Variants in CDKL4 observed in about 807,000 individuals in gnomAD.
The protein encoded by CDKL4 is cyclin-dependent kinase-like 4.
In CDKL4, 44 loss-of-function variants were observed where a neutral mutation model predicts 42.0. The observed-to-expected ratio is 1.05, with a 90% CI of 0.82 to 1.35. The LOEUF (loss-of-function observed/expected upper bound fraction) is 1.35, where lower values mean the gene tolerates loss of function less well. Among genes scored for constraint, CDKL4 ranks in the 40% most tolerant of loss-of-function variants. The pLI is 0.00. For synonymous variants in CDKL4, 120 were observed against 121.6 expected, an observed-to-expected ratio of 0.99 and a Z score of 0.09; for missense variants, 393 against 369.9, an observed-to-expected ratio of 1.06 and a Z score of -0.51.
exon 6 of CDKL4, chr2:39,190,425 A>G: frequency 1.9e-6 from 3 of 1,614,012 alleles, no homozygotes; most frequent in South Asian, 1.1e-5. Context: ...GAAGAACCAT[A>G]CTGAGTATCT....
chr2:39,221,139 A>G (rs1232031392), intron 3 of CDKL4, among the ~76,000 whole-genome samples: 3 of 147,170 alleles, frequency 2.0e-5, no homozygotes, highest in African/African-American at 7.5e-5. Context: ...TCAGCCTCCT[A>G]AGTAGCTGGG....
chr2:39,225,618 A>T (rs1678660921), intron 3 of CDKL4, among the ~76,000 whole-genome samples: 1 of 152,162 alleles, frequency 6.6e-6, no homozygotes, highest in African/African-American at 2.4e-5. Context: ...CCTCAAATTC[A>T]TTTTGATTTT....
chr2:39,217,899 A>C (rs1051691446), intron 3 of CDKL4, among the ~76,000 whole-genome samples: 11 of 151,920 alleles, frequency 7.2e-5, no homozygotes, highest in African/African-American at 2.7e-4. Context: ...ACACTCAGCT[A>C]ACTTTGTATT....
intron 5 of CDKL4, among the ~76,000 whole-genome samples, chr2:39,190,761 T>C (rs1275365557): frequency 6.6e-6 from 1 of 152,152 alleles, no homozygotes; most frequent in Non-Finnish European, 1.5e-5. Context: ...ATGGGGGGAA[T>C]GAGAATTTCT....
rs368892512 is a variant in CDKL4 at position 39,178,550 on chromosome 2, C to T, written c.927+637G>A. The T allele has an allele frequency of 7.2e-5, 111 of 1,550,630 alleles. 1 individual carries two copies. In the East Asian group the frequency reaches 1.4e-3, roughly 19 times the overall value. ...AACAAACCTATTTCCATGGAGTTTACGATTTAACTTCAAAGTTTTCTGAAA... is the reference window on the plus strand; with the variant it reads ...AACAAACCTATTTCCATGGAGTTTATGATTTAACTTCAAAGTTTTCTGAAA... On this transcript the variant is annotated intron_variant, in intron 9 of 9. Transcript: ENST00000451199.
intron 4 of CDKL4, among the ~76,000 whole-genome samples, chr2:39,209,432 G>C (rs1489086394): frequency 6.6e-6 from 1 of 152,066 alleles, no homozygotes; most frequent in Non-Finnish European, 1.5e-5. Flanking sequence ...GGACCACTTT[G>C]GTTACCTCAC....
chr2:39,241,702 T>A (rs1208703347), intron 1 of CDKL4, among the ~76,000 whole-genome samples: 1 of 152,180 alleles, frequency 6.6e-6, no homozygotes, highest in African/African-American at 2.4e-5. Flanking sequence ...AAGTCAAATG[T>A]CTTTCTGCTT....
the CDKL4 span, among the ~76,000 whole-genome samples, chr2:39,170,354 A>T: frequency 2.6e-5 from 4 of 152,066 alleles, no homozygotes; most frequent in Admixed American, 1.3e-4. Flanking sequence ...ACACATATGC[A>T]GAACATTAAC....
chr2:39,229,079 AGGGCCAGGGTT>A (rs1224764345), intron 2 of CDKL4, among the ~76,000 whole-genome samples: 3 of 151,746 alleles, frequency 2.0e-5, no homozygotes, highest in Non-Finnish European at 2.9e-5. Context: ...TATCCAGAGG[AGGGCCAGGGTT>A]GGGGGCGAGC....
At chr2:39,201,108 A>T (rs1296907270) in intron 5 of CDKL4, among the ~76,000 whole-genome samples, 3 of 152,200 alleles carry the variant, frequency 2.0e-5, no homozygotes, top group Non-Finnish European at 4.4e-5. Context: ...AAGCAACTCA[A>T]ATCAGCAAGA....
chr2:39,237,527 G>A (rs1216364924), intron 1 of CDKL4, among the ~76,000 whole-genome samples: 1 of 152,046 alleles, frequency 6.6e-6, no homozygotes, highest in Non-Finnish European at 1.5e-5. Context: ...AGTGCAATAA[G>A]GCAAGAAAAA....
intron 2 of CDKL4, among the ~76,000 whole-genome samples, chr2:39,226,557 T>C (rs1678759794): frequency 6.6e-6 from 1 of 150,426 alleles, no homozygotes; most frequent in African/African-American, 2.4e-5. Context: ...TGTTAAATTC[T>C]ATTCCCAAAC....
chr2:39,226,343 T>TG (rs1267132886), intron 2 of CDKL4, among the ~76,000 whole-genome samples: 1 of 149,826 alleles, frequency 6.7e-6, no homozygotes, highest in Non-Finnish European at 1.5e-5. Context: ...CAGTAATACT[T>TG]GTTCCTAACC....
chr2:39,194,094 G>A (rs1045879042), intron 5 of CDKL4, among the ~76,000 whole-genome samples: 4 of 152,126 alleles, frequency 2.6e-5, no homozygotes, highest in African/African-American at 9.7e-5. Context: ...GGCACTTACT[G>A]CGTTCTCAAG....
chr2:39,170,875 T>C (rs921791672), downstream of CDKL4, among the ~76,000 whole-genome samples: 1 of 152,144 alleles, frequency 6.6e-6, no homozygotes, highest in Non-Finnish European at 1.5e-5. Context: ...TAGAAATCAA[T>C]GGTGGTGACA....
chr2:39,226,946 T>C (rs1348014442), intron 2 of CDKL4, among the ~76,000 whole-genome samples: 1 of 152,116 alleles, frequency 6.6e-6, no homozygotes, highest in East Asian at 1.9e-4. Context: ...TTTGTATTTT[T>C]AGTAGAGATG....
intron 8 of CDKL4, among the ~76,000 whole-genome samples, chr2:39,180,328 G>T (rs1433403617): frequency 1.3e-5 from 2 of 152,222 alleles, no homozygotes; most frequent in African/African-American, 4.8e-5. Flanking sequence ...CACAAACATT[G>T]TTTTGAGGCA....
At chr2:39,213,585 C>A (rs1347219829) in intron 3 of CDKL4, 113 bp from the exon 4 acceptor site, 2 of 588,588 alleles carry the variant, frequency 3.4e-6, no homozygotes, top group Non-Finnish European at 6.1e-6. Flanking sequence ...GAACACCATG[C>A]GGAAGGGTCC....
chr2:39,185,116 A>G (rs1164727320), intron 7 of CDKL4, among the ~76,000 whole-genome samples: 1 of 141,010 alleles, frequency 7.1e-6, no homozygotes, highest in East Asian at 2.0e-4. Context: ...AAATATATAT[A>G]TATACACACA....
Sources: allele counts gnomAD v4.1 joint callset (sites outside exome capture counted in the v4.1 genomes callset), GRCh38; gene constraint gnomAD v4.1.1; transcripts MANE v1.5; gene names NCBI Gene and HGNC (gene_info 2026-07-23, HGNC 2026-07-21).